The following IKBKB variants were observed in gnomAD, a reference collection of about 807,000 sequenced individuals.
IKBKB encodes inhibitor of nuclear factor kappa-B kinase subunit beta.
IKBKB carries 42 observed loss-of-function variants against 113.6 expected under a neutral mutation model. That is an observed-to-expected ratio of 0.37 (90% confidence interval 0.29 to 0.48). IKBKB has a LOEUF of 0.48. Ranked by LOEUF, IKBKB falls within the 20% of genes least tolerant of loss-of-function variation. The probability of loss-of-function intolerance (pLI) is 0.99; values close to 1 mark genes in which losing one functional copy is unlikely to be tolerated. For missense variants in IKBKB, 673 were observed against 939.7 expected (o/e 0.72, Z 3.71); for synonymous variants, 296 against 361.3 (o/e 0.82, Z 2.05).
chr8:42,308,540 C>T (rs548298002), intron 7 of IKBKB, among the ~76,000 whole-genome samples: 4 of 152,192 alleles, frequency 2.6e-5, no homozygotes, highest in African/African-American at 7.2e-5. Flanking sequence ...TCAAGTAATG[C>T]GCCTACCTCG....
At chr8:42,276,860 ATT>A (rs764463407) in intron 2 of IKBKB, among the ~76,000 whole-genome samples, 11 of 101,578 alleles carry the variant, frequency 1.1e-4, no homozygotes, top group Middle Eastern at 7.1e-3. Flanking sequence ...CACCCGGCTA[ATT>A]TTTTTTTTTT....
intron 8 of IKBKB, 60 bp from the exon 9 acceptor site, chr8:42,314,262 T>G (rs769017851): frequency 2.5e-6 from 3 of 1,199,730 alleles, no homozygotes; most frequent in Non-Finnish European, 3.7e-6. Flanking sequence ...GACGAATTTC[T>G]TAGAATGTGT....
rs200517596 is a variant in IKBKB at position 42,293,528 on chromosome 8, G to A, written c.388+16G>A. On this transcript the variant is annotated intron_variant, in intron 5 of 21. Transcript: ENST00000520810. Reference sequence around the variant, plus strand: ...AGTGACATTGGTAAATCCCAGTCCCGGAATTCAGGCCGTGTCCTTCAGGGA... The same window carrying A: ...AGTGACATTGGTAAATCCCAGTCCCAGAATTCAGGCCGTGTCCTTCAGGGA... The A allele has an allele frequency of 2.5e-5, 41 of 1,614,008 alleles. No homozygotes were observed. The highest frequency in any genetic ancestry group is 8.8e-5 in the South Asian group (8 of 91,086).
chr8:42,325,267 G>A, intron 19 of IKBKB: 1 of 985,636 alleles, frequency 1.0e-6, no homozygotes, highest in Non-Finnish European at 1.2e-6. Flanking sequence ...GGGAGTCAGG[G>A]TGTCCTTGTT....
intron 5 of IKBKB, among the ~76,000 whole-genome samples, chr8:42,294,835 T>C (rs1410888594): frequency 6.6e-6 from 1 of 152,222 alleles, no homozygotes; most frequent in Non-Finnish European, 1.5e-5. Context: ...CTTGACACCC[T>C]GACCCAAGGC....
chr8:42,313,996 C>T (rs1818207287), intron 8 of IKBKB: 1 of 241,302 alleles, frequency 4.1e-6, no homozygotes, highest in African/African-American at 2.2e-5. Context: ...TCCCAGTCAA[C>T]AATTGACTGC....
chr8:42,275,577 G>A (rs1338253143), intron 2 of IKBKB, among the ~76,000 whole-genome samples: 1 of 152,166 alleles, frequency 6.6e-6, no homozygotes, highest in East Asian at 1.9e-4. Flanking sequence ...TTAATGTAAT[G>A]CCCTCCAAGC....
chr8:42,310,765 C>T (rs1817555642), intron 8 of IKBKB, among the ~76,000 whole-genome samples: 1 of 152,098 alleles, frequency 6.6e-6, no homozygotes, highest in Non-Finnish European at 1.5e-5. Flanking sequence ...GGCTCTTCAG[C>T]GTTATATTTT....
At chr8:42,298,327 G>A (rs1167647220) in intron 5 of IKBKB, 3 of 985,286 alleles carry the variant, frequency 3.0e-6, no homozygotes, top group Non-Finnish European at 1.2e-6. Context: ...ACACCATCCT[G>A]TGCTCCAGGC....
rs1057500039 is a variant in IKBKB, at chr8:42,329,816, T to G, written c.2205+602T>G. 3 of 985,276 alleles carry G rather than the reference T, an allele frequency of 3.0e-6. No individual in the cohort carries two copies. In the African/African-American group the frequency reaches 5.2e-5, roughly 17 times the overall value. The allele number at this position is 985,276 out of a possible 1,614,324, so 61.0% of individuals were successfully genotyped here. On this transcript the variant is annotated intron_variant, in intron 21 of 21. Transcript: ENST00000520810. ...AAAACTAGCCAAGTTACAGGTACAT[T>G]AAGACAAAGCTTCCATTGTTGAGAG...
intron 4 of IKBKB, among the ~76,000 whole-genome samples, chr8:42,292,685 C>T (rs969581967): frequency 6.6e-6 from 1 of 152,190 alleles, no homozygotes; most frequent in African/African-American, 2.4e-5. Flanking sequence ...TCTCTCCGCC[C>T]TCCTCGGAGG....
At chr8:42,282,222 A>T (rs1332332220) in intron 2 of IKBKB, among the ~76,000 whole-genome samples, 1 of 152,128 alleles carries the variant, frequency 6.6e-6, no homozygotes, top group African/African-American at 2.4e-5. Context: ...TCACTCCAGT[A>T]GTCCACGCTG....
At chr8:42,308,855 C>T (rs768441042) in intron 7 of IKBKB, 46 bp from the exon 8 acceptor site, 7 of 1,597,900 alleles carry the variant, frequency 4.4e-6, no homozygotes, top group Admixed American at 1.7e-5. Context: ...TGCCGTGGTC[C>T]CCCCAGAGAG....
In IKBKB at chr8:42,318,582, T is replaced by A; in HGVS notation, c.1271T>A (p.Phe424Tyr). 6.2e-7 allele frequency: 1 copy of A among 1,614,034 alleles called. No homozygotes were observed. The highest frequency in any genetic ancestry group is 8.5e-7 in the Non-Finnish European group (1 of 1,179,888). Residue 424 changes from phenylalanine (F) to tyrosine (Y), a missense_variant, in exon 13 of 22, where the codon TTC (phenylalanine) becomes TAC (tyrosine). By Grantham distance (22) the Phe-to-Tyr change is conservative (BLOSUM62 3). This residue lies in a region of IKBKB where 506 missense variants were observed against 638.7 expected (regional missense o/e 0.79). Transcript: ENST00000520810. ...LQEPKRNLAFFQLRKVWGQVW... is the reference protein window; with the variant it reads ...LQEPKRNLAFYQLRKVWGQVW... ...GAGCCCAAGAGGAATCTCGCCTTCTTCCAGCTGAGGAAGGTGTGGGGCCAG... is the reference window on the plus strand; with the variant it reads ...GAGCCCAAGAGGAATCTCGCCTTCTACCAGCTGAGGAAGGTGTGGGGCCAG...
Position 42,286,492 on chromosome 8 carries a change from GT to G in IKBKB, c.106-2137del, listed in dbSNP as rs1209654342. On this transcript the variant is annotated intron_variant, in intron 2 of 21. Coordinates refer to ENST00000520810, the MANE Select transcript of IKBKB (RefSeq NM_001556.3). ...CCTCTGTGTGTCTTTTTTTGTTTTTGTTTTTGTTTTTGTTTTGAAACAGGGT... is the reference window on the plus strand; with the variant it reads ...CCTCTGTGTGTCTTTTTTTGTTTTTGTTTTGTTTTTGTTTTGAAACAGGGT... Among the ~76,000 whole-genome samples, 19 of 152,138 alleles carry G rather than the reference GT, an allele frequency of 1.2e-4. No homozygotes were observed. The East Asian group carries it at 1.9e-3, about 15-fold the overall frequency.
Position 42,289,415 on chromosome 8 carries a change from C to CA in IKBKB, c.200+694dup, listed in dbSNP as rs577515451. Among the ~76,000 whole-genome samples the CA allele has an allele frequency of 1.2e-4, 18 of 152,072 alleles. 1 individual carries two copies. In the South Asian group the frequency reaches 3.5e-3, roughly 30 times the overall value. On this transcript the variant is annotated intron_variant, in intron 3 of 21. Transcript: ENST00000520810. ...ATCACAGTGACTTTTCTTTTGTCAG[C>CA]AAAAAAAGCCTTCTTTCCTCCTATA...
chr8:42,314,312 A>G lies in IKBKB; in HGVS notation c.693-10A>G, dbSNP rs1199664487. ...CGTGTGACTGCACCTAACAAGATTC[A>G]TATTTGCAGGCATTCAAAAGTGCGG... On this transcript the variant is annotated splice_polypyrimidine_tract_variant and intron_variant, in intron 8 of 21. Coordinates refer to ENST00000520810, the MANE Select transcript of IKBKB (RefSeq NM_001556.3). The G allele has an allele frequency of 1.9e-6, 3 of 1,596,314 alleles. No individual in the cohort carries two copies. Among genetic ancestry groups the G allele is most frequent in the Non-Finnish European group, 2.6e-6 (3 of 1,163,872 alleles).
chr8:42,293,450 A>T lies in IKBKB; in HGVS notation c.326A>T (p.Asn109Ile). 6.2e-7 allele frequency: 1 copy of T among 1,614,196 alleles called. No homozygotes were observed. The highest frequency in any genetic ancestry group is 8.5e-7 in the Non-Finnish European group (1 of 1,180,020). The change falls in exon 5 of 22, where the codon AAC becomes ATC. Residue 109 changes from asparagine to isoleucine, a missense_variant. Transcript: ENST00000520810. ...TTTTCACTTTCTTGACAGTACCTGA[A>T]CCAGTTTGAGAACTGCTGTGGTCTG... ...CQGGDLRKYL[N>I]QFENCCGLRE...
intron 5 of IKBKB, among the ~76,000 whole-genome samples, chr8:42,300,236 A>G (rs1020850278): frequency 6.6e-6 from 1 of 152,152 alleles, no homozygotes; most frequent in African/African-American, 2.4e-5. Context: ...GCCCAGTGAC[A>G]TTGAAGTGGC....
Sources: gnomAD v4.1 joint callset for allele counts (sites outside exome capture counted in the v4.1 genomes callset) on GRCh38, gnomAD v4.1.1 for gene constraint, gnomAD v4.1.1 regional missense constraint, MANE v1.5 for transcripts, NCBI Gene and HGNC (gene_info 2026-07-23, HGNC 2026-07-21) for gene names.